The following KIF13A variants were observed in gnomAD, a reference collection of about 807,000 sequenced individuals.
KIF13A encodes the protein kinesin-like protein KIF13A.
A neutral mutation model predicts 212.2 loss-of-function variants in KIF13A; 79 were observed. That is an observed-to-expected ratio of 0.37 (90% CI 0.31 to 0.45). The LOEUF is 0.45. Among genes scored for constraint, KIF13A ranks in the 20% least tolerant of loss-of-function variants. The pLI, the probability that KIF13A is intolerant of heterozygous loss-of-function variation, is 1.00. For synonymous variants in KIF13A, 789 were observed against 808.6 expected (o/e 0.98, Z 0.41); for missense variants, 1,901 against 2,209.0 (o/e 0.86, Z 2.79).
intron 2 of KIF13A, among the ~76,000 whole-genome samples, chr6:17,974,804 T>C (rs577676625): frequency 2.0e-5 from 3 of 152,344 alleles, no homozygotes; most frequent in African/African-American, 7.2e-5. Context: ...CACATCCATG[T>C]TGCTTAATGC....
rs549689278 is a variant in KIF13A, at chr6:17,919,936, C to T, written c.147-21756G>A. Among the ~76,000 whole-genome samples, 154 of 152,168 alleles carry T rather than the reference C, an allele frequency of 1.0e-3. No individual in the cohort carries two copies. The highest frequency in any genetic ancestry group is 1.7e-3 in the Non-Finnish European group (113 of 68,026). Reference sequence around the variant, plus strand: ...TGAAAAATTAACTTCTATTAAAATACTCATGGAAGGGAAGACATAAGCAGC... The same window carrying T: ...TGAAAAATTAACTTCTATTAAAATATTCATGGAAGGGAAGACATAAGCAGC... On this transcript the variant is annotated intron_variant, in intron 2 of 38. Transcript: ENST00000259711. This position sits in a 1 kb window ranked among gnomAD's most constrained non-coding sequence, Gnocchi z 4.1.
At chr6:17,977,045 T>A (rs1780598803) in intron 2 of KIF13A, among the ~76,000 whole-genome samples, 1 of 144,512 alleles carries the variant, frequency 6.9e-6, no homozygotes, top group African/African-American at 2.6e-5. Flanking sequence ...GAGCTTGCAG[T>A]GAGCCGAGAC....
intron 4 of KIF13A, among the ~76,000 whole-genome samples, chr6:17,866,828 CATATATATATAT>C (rs60217235): frequency 0.02 from 456 of 22,858 alleles, 11 homozygotes; most frequent in Middle Eastern, 0.02. Flanking sequence ...AAAAGCAGCG[CATATATATATAT>C]ATATATATAT....
Position 17,843,422 on chromosome 6 carries a change from A to G in KIF13A, c.831-5839T>C, listed in dbSNP as rs1245503078. 6.6e-6 allele frequency among the ~76,000 whole-genome samples: 1 copy of G among 152,210 alleles called. No homozygotes were observed. Among genetic ancestry groups the G allele is most frequent in the Admixed American group, 6.5e-5 (1 of 15,284 alleles). On this transcript the variant is annotated intron_variant, in intron 9 of 38. Coordinates refer to ENST00000259711, the MANE Select transcript of KIF13A (RefSeq NM_022113.6). The surrounding 1 kb of genome is among the most constrained non-coding windows in gnomAD (Gnocchi z 5.3). ...TCTGGCCAAGGAGATGTAGGTAAAC[A>G]TTACTGGGTGGGGCTTCCAAGAAAA...
intron 2 of KIF13A, among the ~76,000 whole-genome samples, chr6:17,917,219 T>C (rs1454458973): frequency 6.7e-6 from 1 of 149,146 alleles, no homozygotes; most frequent in Admixed American, 6.7e-5. Flanking sequence ...GAGCATATTC[T>C]ACATTTTACA....
intron 33 of KIF13A, 109 bp downstream of exon 33, chr6:17,778,838 G>A: frequency 7.9e-7 from 1 of 1,273,436 alleles, no homozygotes. Context: ...TGGCTCAAGT[G>A]CTCCTTCTCT....
Position 17,886,392 on chromosome 6 carries a change from C to T in KIF13A, c.159+11776G>A, listed in dbSNP as rs1474018047. Among the ~76,000 whole-genome samples, 1 of 152,194 alleles carries T rather than the reference C, an allele frequency of 6.6e-6. No individual in the cohort carries two copies. Among genetic ancestry groups the T allele is most frequent in the Non-Finnish European group, 1.5e-5 (1 of 68,036 alleles). On this transcript the variant is annotated intron_variant, in intron 3 of 38. Transcript: ENST00000259711. The surrounding 1 kb of genome is among the most constrained non-coding windows in gnomAD (Gnocchi z 5.6). ...TCCAGGGGTTGCAAACATTTACTCC[C>T]AGTTAAGTTACGCTGCAAAGGACTG...
intron 16 of KIF13A, chr6:17,822,043 C>CTTTTTTTTTTTTT (rs565299308): frequency 1.9e-6 from 1 of 526,634 alleles, no homozygotes; most frequent in Non-Finnish European, 3.0e-6. Flanking sequence ...AACATAACTT[C>CTTTTTTTTTTTTT]TTTTTTTTTT....
chr6:17,943,361 T>A (rs78823950), intron 2 of KIF13A, among the ~76,000 whole-genome samples: 1 of 152,038 alleles, frequency 6.6e-6, no homozygotes, highest in Non-Finnish European at 1.5e-5. Flanking sequence ...CCAATGTTAG[T>A]AAGCTTCAGA....
chr6:17,907,763 C>T (rs965890729), intron 2 of KIF13A, among the ~76,000 whole-genome samples: 27 of 152,170 alleles, frequency 1.8e-4, no homozygotes, highest in African/African-American at 6.3e-4. Context: ...CAGGGAATAG[C>T]AGGTAGACAG....
intron 2 of KIF13A, among the ~76,000 whole-genome samples, chr6:17,966,274 T>C (rs900573433): frequency 2.6e-5 from 4 of 152,152 alleles, no homozygotes; most frequent in Admixed American, 6.5e-5. Flanking sequence ...CGTTATTTTT[T>C]ATGTGTGCTA....
chr6:17,837,538 C>T lies in KIF13A; in HGVS notation c.876G>A (p.Gln292=). Residue 292 remains glutamine (Q), a synonymous_variant, in exon 10 of 39, where the codon CAG becomes CAA. Transcript: ENST00000259711. This position sits in a 1 kb window ranked among gnomAD's most constrained non-coding sequence, Gnocchi z 5.4. ...LGLVISSLAD[Q]AAGKGKSKFV... is the part of the protein sequence containing the mutation. ...ATTTGCTTTTACCCTTGCCAGCTGC[C>T]TGGTCAGCCAGTGATGATATAACCA... is the stretch of plus-strand genomic sequence containing the variant. The T allele has an allele frequency of 6.2e-7, 1 of 1,609,784 alleles. No homozygotes were observed. The highest frequency in any genetic ancestry group is 8.5e-7 in the Non-Finnish European group (1 of 1,178,012).
At chr6:17,852,779 T>C (rs1281019177) in intron 6 of KIF13A, among the ~76,000 whole-genome samples, 2 of 152,330 alleles carry the variant, frequency 1.3e-5, no homozygotes, top group Non-Finnish European at 2.9e-5. Context: ...CAAGTCTGCA[T>C]TGGTTTATGC....
At chr6:17,841,170 T>G (rs1331391055) in intron 9 of KIF13A, among the ~76,000 whole-genome samples, 5 of 148,560 alleles carry the variant, frequency 3.4e-5, no homozygotes, top group Non-Finnish European at 7.4e-5. Context: ...CCTCCCAGGC[T>G]CAAGCGATCC....
At chr6:17,964,075 G>A (rs1174119238) in intron 2 of KIF13A, among the ~76,000 whole-genome samples, 7 of 152,082 alleles carry the variant, frequency 4.6e-5, no homozygotes, top group Admixed American at 1.3e-4. Flanking sequence ...CTATGATGAT[G>A]CCACTGCACT....
chr6:17,863,169 T>A (rs1469136783), intron 4 of KIF13A, among the ~76,000 whole-genome samples: 2 of 152,038 alleles, frequency 1.3e-5, no homozygotes, highest in East Asian at 3.9e-4. Context: ...TTATCGCTAT[T>A]TTTCTAGCTC....
chr6:17,859,231 A>G (rs1366823458), intron 4 of KIF13A, among the ~76,000 whole-genome samples: 1 of 152,190 alleles, frequency 6.6e-6, no homozygotes, highest in Non-Finnish European at 1.5e-5. Flanking sequence ...GATGTAAATG[A>G]AACAAACCAC....
In KIF13A at chr6:17,783,662, G is replaced by A. The variant is rs375286354; in HGVS notation, c.3528C>T (p.Leu1176=). ...TCTACTTACCATTCAAATCGAGGAAGAGAACTGGTATGTGGGTTTCCATTC... is the reference window on the plus strand; with the variant it reads ...TCTACTTACCATTCAAATCGAGGAAAAGAACTGGTATGTGGGTTTCCATTC... The part of the protein sequence containing the change: ...PPGMETHIPV[L]FLDLNADDLS... Residue 1176 remains leucine (L), a synonymous_variant, in exon 29 of 39, where the codon CTC becomes CTT. Coordinates refer to ENST00000259711, the MANE Select transcript of KIF13A (RefSeq NM_022113.6). The surrounding 1 kb of genome is among the most constrained non-coding windows in gnomAD (Gnocchi z 4.3). The A allele has an allele frequency of 8.2e-6, 13 of 1,581,192 alleles. No individual in the cohort carries two copies. Among genetic ancestry groups the A allele is most frequent in the African/African-American group, 8.1e-5 (6 of 74,364 alleles).
intron 3 of KIF13A, among the ~76,000 whole-genome samples, chr6:17,876,968 G>A (rs925061700): frequency 4.6e-5 from 7 of 152,058 alleles, no homozygotes; most frequent in African/African-American, 1.7e-4. Flanking sequence ...TGTAGACTAA[G>A]TTCCCTGAAA....
Sources: gnomAD v4.1 joint callset for allele counts (sites outside exome capture counted in the v4.1 genomes callset) on GRCh38, gnomAD v4.1.1 for gene constraint, Gnocchi (gnomAD v3.1) non-coding constraint, MANE v1.5 for transcripts, NCBI Gene and HGNC (gene_info 2026-07-23, HGNC 2026-07-21) for gene names.